GRIN1: variants seen among roughly 807,000 people sequenced by gnomAD.
GRIN1 encodes the protein glutamate receptor ionotropic, NMDA 1.
GRIN1 carries 38 observed loss-of-function variants against 103.0 expected under a neutral mutation model. That is an observed-to-expected ratio of 0.37 (90% CI 0.28 to 0.48). The LOEUF (loss-of-function observed/expected upper bound fraction) is 0.48. Ranked by LOEUF, GRIN1 falls within the 20% of genes least tolerant of loss-of-function variation. The pLI, the probability that GRIN1 is intolerant of heterozygous loss-of-function variation, is 0.98. For missense variants in GRIN1, 577 were observed against 1,288.9 expected (o/e 0.45, Z 8.46); for synonymous variants, 544 against 532.7 (o/e 1.02, Z -0.29).
chr9:137,139,409 C>G lies in GRIN1; in HGVS notation c.-78C>G. ...CCCGCGGGGCCGGGCGAGCGCAGGA[C>G]GGCCCGGAAGCCCCGCGGGGGATGC... On this transcript the variant is annotated 5_prime_UTR_variant, in exon 1 of 20. Coordinates refer to ENST00000371561, the MANE Select transcript of GRIN1 (RefSeq NM_007327.4). This position sits in a 1 kb window ranked among gnomAD's most constrained non-coding sequence, Gnocchi z 7.7. The G allele has an allele frequency of 9.4e-7, 1 of 1,067,678 alleles. No homozygotes were observed. The highest frequency in any genetic ancestry group is 1.2e-6 in the Non-Finnish European group (1 of 826,818). The allele number at this position is 1,067,678 out of a possible 1,614,324, so 66.1% of individuals were successfully genotyped here.
chr9:137,158,087 ACGT>A (rs1342433302), intron 6 of GRIN1, among the ~76,000 whole-genome samples: 1 of 152,202 alleles, frequency 6.6e-6, no homozygotes, highest in East Asian at 1.9e-4. Flanking sequence ...TCTGAGGACA[ACGT>A]CCTAACCCAC....
rs1054228219 is a variant in GRIN1, at chr9:137,146,115, C to T, written c.570+213C>T. 2.0e-5 allele frequency among the ~76,000 whole-genome samples: 3 copies of T among 152,152 alleles called. No homozygotes were observed. The highest frequency in any genetic ancestry group is 2.0e-4 in the Admixed American group (3 of 15,288). On this transcript the variant is annotated intron_variant, in intron 3 of 19. Transcript: ENST00000371561. The surrounding 1 kb of genome is among the most constrained non-coding windows in gnomAD (Gnocchi z 6.7). Reference sequence around the variant, plus strand: ...CTCCTTCGTGTCAGTCCCTGCGGGGCGAGGGCCAGACCACCTGGAGCTCCG... The same window carrying T: ...CTCCTTCGTGTCAGTCCCTGCGGGGTGAGGGCCAGACCACCTGGAGCTCCG...
chr9:137,156,813 G>A (rs199748312), intron 5 of GRIN1, 23 bp downstream of exon 5: 5 of 1,601,076 alleles, frequency 3.1e-6, no homozygotes, highest in African/African-American at 2.7e-5. Context: ...CCTTGGCGGG[G>A]TCCCCGAACG....
chr9:137,162,105 T>A lies in GRIN1; in HGVS notation c.1632+17T>A, dbSNP rs201142099. On this transcript the variant is annotated intron_variant, in intron 11 of 19. Coordinates refer to ENST00000371561, the MANE Select transcript of GRIN1 (RefSeq NM_007327.4). ...GTCAAGAAGGTGGGCAGGGGCCGGG[T>A]GGCGGGGTGGCGGCGGGGGGAGTCC... 1.7e-5 allele frequency: 5 copies of A among 291,704 alleles called. No homozygotes were observed. The highest frequency in any genetic ancestry group is 1.5e-4 in the African/African-American group (4 of 27,400). 18.1% of individuals were successfully genotyped at this position (291,704 alleles called of 1,614,324 possible).
chr9:137,154,911 G>A (rs1272454193), intron 4 of GRIN1, among the ~76,000 whole-genome samples: 1 of 152,192 alleles, frequency 6.6e-6, no homozygotes, highest in Non-Finnish European at 1.5e-5. Flanking sequence ...GCAAGCCCTG[G>A]GCAGTGGCAG....
chr9:137,164,447 C>T, intron 18 of GRIN1: 1 of 222,040 alleles, frequency 4.5e-6, no homozygotes, highest in South Asian at 6.6e-5. Flanking sequence ...ACAGGGTGGG[C>T]AGTGGGCCTG....
At chr9:137,156,473 A>G (rs933849194) in intron 4 of GRIN1, among the ~76,000 whole-genome samples, 196 bp from the exon 5 acceptor site, 3 of 152,028 alleles carry the variant, frequency 2.0e-5, no homozygotes, top group Admixed American at 2.0e-4. Flanking sequence ...TGCTCCCCCA[A>G]GGTAAGAGCC....
At chr9:137,140,097 G>A (rs1184805218) in intron 1 of GRIN1, among the ~76,000 whole-genome samples, 1 of 152,210 alleles carries the variant, frequency 6.6e-6, no homozygotes, top group Non-Finnish European at 1.5e-5. Context: ...TGCCCGCCCT[G>A]CAGAGCTTTA....
Position 137,163,558 on chromosome 9 carries a change from G to A in GRIN1, c.2334-1G>A. ...GCAGGCTCACTTGTTCCCACCGCCA[G>A]GTCCCACGAGAATGGCTTCATGGAA... On this transcript the variant is annotated splice_acceptor_variant, in intron 16 of 19. Transcript: ENST00000371561. LOFTEE classifies it high-confidence loss of function. 6.2e-7 allele frequency: 1 copy of A among 1,606,384 alleles called. No homozygotes were observed. Among genetic ancestry groups the A allele is most frequent in the Non-Finnish European group, 8.5e-7 (1 of 1,173,738 alleles).
chr9:137,167,296 T>TC, intron 19 of GRIN1, 115 bp from the exon 20 acceptor site: 1 of 805,954 alleles, frequency 1.2e-6, no homozygotes, highest in Middle Eastern at 3.5e-4. Context: ...GCTGCGGAGA[T>TC]CCCCTGCCCC....
Position 137,146,070 on chromosome 9 carries a change from C to T in GRIN1, c.570+168C>T, listed in dbSNP as rs1333412862. Among the ~76,000 whole-genome samples, 1 of 152,178 alleles carries T rather than the reference C, an allele frequency of 6.6e-6. No individual in the cohort carries two copies. Among genetic ancestry groups the T allele is most frequent in the Non-Finnish European group, 1.5e-5 (1 of 68,022 alleles). The stretch of plus-strand genomic sequence containing the variant: ...GCCTGTCCTCGGCTCATTTCACTCG[C>T]TTTTGCCATTAGTCGAAATCTCCTT... On this transcript the variant is annotated intron_variant, in intron 3 of 19. Transcript: ENST00000371561. This position sits in a 1 kb window ranked among gnomAD's most constrained non-coding sequence, Gnocchi z 6.7.
At chr9:137,142,370 C>T (rs55929568) in intron 2 of GRIN1, among the ~76,000 whole-genome samples, 1,644 of 152,374 alleles carry the variant, frequency 0.011, 16 homozygotes, top group Non-Finnish European at 0.019. Flanking sequence ...ACACAATACA[C>T]ACTCTCTTGC....
intron 8 of GRIN1, among the ~76,000 whole-genome samples, chr9:137,159,605 G>A (rs574824843): frequency 6.4e-4 from 98 of 152,356 alleles, no homozygotes; most frequent in African/African-American, 2.1e-3. Context: ...GCGGTCAAAC[G>A]CTAATGGCCA....
At position 137,158,608 on chromosome 9, in the gene GRIN1, C is replaced by T. The variant is rs1242128094; in HGVS notation, c.1114-13C>T. On this transcript the variant is annotated splice_polypyrimidine_tract_variant and intron_variant, in intron 7 of 19. Transcript: ENST00000371561. Reference sequence around the variant, plus strand: ...CTGCGTGGCCACCCTCCATCTCATACTCCCACCCCCAGGTCATCCCTAATG... The same window carrying T: ...CTGCGTGGCCACCCTCCATCTCATATTCCCACCCCCAGGTCATCCCTAATG... 6.2e-7 allele frequency: 1 copy of T among 1,612,084 alleles called. No homozygotes were observed. Among genetic ancestry groups the T allele is most frequent in the Non-Finnish European group, 8.5e-7 (1 of 1,179,338 alleles).
Position 137,158,458 on chromosome 9 carries a change from A to G in GRIN1, c.1048A>G (p.Asn350Asp). The G allele has an allele frequency of 6.2e-7, 1 of 1,613,624 alleles. No homozygotes were observed. The highest frequency in any genetic ancestry group is 1.7e-5 in the Admixed American group (1 of 60,028). ...TGAGGATGGGGACCGGAAGTTCGCC[A>G]ACTACAGCATCATGAACCTGCAGAA... ...FNEDGDRKFA[N>D]YSIMNLQNRK... The change falls in exon 7 of 20, where the codon AAC becomes GAC. Residue 350 changes from asparagine (N) to aspartate (D), a missense_variant. This residue lies in a region of GRIN1 where 308 missense variants were observed against 553.6 expected (regional missense o/e 0.56). Transcript: ENST00000371561.
chr9:137,154,022 G>A (rs1444670271), intron 4 of GRIN1, among the ~76,000 whole-genome samples: 2 of 151,860 alleles, frequency 1.3e-5, no homozygotes, highest in Admixed American at 6.6e-5. Context: ...ATGTTGGCCA[G>A]GCTGGTCTTG....
intron 4 of GRIN1, among the ~76,000 whole-genome samples, chr9:137,154,603 G>A (rs71508897): frequency 3.3e-5 from 5 of 151,608 alleles, no homozygotes; most frequent in South Asian, 2.1e-4. Context: ...ACAGGCATGC[G>A]CCACCACCCC....
intron 2 of GRIN1, 148 bp downstream of exon 2, chr9:137,142,295 G>T: frequency 2.6e-6 from 2 of 768,174 alleles, no homozygotes; most frequent in Non-Finnish European, 4.5e-6. Flanking sequence ...ACGTCCACAC[G>T]CTCTCACGTG....
rs1402288038 is a variant in GRIN1 at position 137,156,700 on chromosome 9, G to C, written c.703G>C (p.Ala235Pro). 6.3e-7 allele frequency: 1 copy of C among 1,597,004 alleles called. No individual in the cohort carries two copies. Among genetic ancestry groups the C allele is most frequent in the South Asian group, 1.1e-5 (1 of 88,374 alleles). ...EDDAATVYRAAAMLNMTGSGY... is the reference protein window; with the variant it reads ...EDDAATVYRAPAMLNMTGSGY... ...CGATGCTGCCACTGTATACCGCGCA[G>C]CCGCGATGCTGAACATGACGGGCTC... The change falls in exon 5 of 20, where the codon GCC becomes CCC. Residue 235 changes from alanine (A) to proline (P), a missense_variant. Coordinates refer to ENST00000371561, the MANE Select transcript of GRIN1 (RefSeq NM_007327.4).
Sources: allele counts gnomAD v4.1 joint callset (sites outside exome capture counted in the v4.1 genomes callset), GRCh38; gene constraint gnomAD v4.1.1; regional missense constraint gnomAD v4.1.1; non-coding constraint Gnocchi (gnomAD v3.1); transcripts MANE v1.5; gene names NCBI Gene and HGNC (gene_info 2026-07-23, HGNC 2026-07-21).